The following F10 variants were observed in gnomAD, a reference collection of about 807,000 sequenced individuals.
F10 encodes Stuart-Prower factor.
Under a neutral mutation model 37.1 loss-of-function variants are expected in F10, and 29 were observed. The ratio of observed to expected loss-of-function variants is 0.78; its 90% CI spans 0.58 to 1.07. F10 has a LOEUF of 1.07. Among genes scored for constraint, F10 ranks in the 50% least tolerant of loss-of-function variants. The pLI is 0.00. For missense variants in F10, 539 were observed against 667.9 expected, an observed-to-expected ratio of 0.81 and a Z score of 2.13; for synonymous variants, 262 against 268.6, an observed-to-expected ratio of 0.98 and a Z score of 0.24.
chr13:113,148,345 A>AAATATAT (rs1300922846), intron 7 of F10, among the ~76,000 whole-genome samples: 35 of 95,412 alleles, frequency 3.7e-4, no homozygotes, highest in African/African-American at 1.3e-3. Context: ...AAAAAAAAAA[A>AAATATAT]ATATATATAT....
rs2036552634 is a variant in F10, at chr13:113,143,609, G to A, written c.503-242G>A. On this transcript the variant is annotated intron_variant, in intron 5 of 7. Transcript: ENST00000375559. This position sits in a 1 kb window ranked among gnomAD's most constrained non-coding sequence, Gnocchi z 6.8. ...CACTCCCCTCGCTGCCTGGGTTGCT[G>A]CCTGGCGTCCATTGTTCACAGGCGG... Among the ~76,000 whole-genome samples the A allele has an allele frequency of 6.6e-6, 1 of 152,158 alleles. No homozygotes were observed. Among genetic ancestry groups the A allele is most frequent in the Non-Finnish European group, 1.5e-5 (1 of 68,028 alleles).
chr13:113,133,630 C>A (rs2036453538), intron 2 of F10, among the ~76,000 whole-genome samples: 1 of 152,166 alleles, frequency 6.6e-6, no homozygotes, highest in Admixed American at 6.5e-5. Context: ...CAATTCTATA[C>A]AACTCTTCCA....
rs1236736172 is a variant in F10, at chr13:113,122,931, T to TGC, written c.70+7_70+8dup. 2 of 1,608,796 alleles carry TGC rather than the reference T, an allele frequency of 1.2e-6. No individual in the cohort carries two copies. The highest frequency in any genetic ancestry group is 2.2e-5 in the East Asian group (1 of 44,890). Reference sequence around the variant, plus strand: ...CCTGCTGCTCGGGGAAAGTCGTAAGTGCCCCTCGCCCTTCAGACCCAAAAG... The same window carrying TGC: ...CCTGCTGCTCGGGGAAAGTCGTAAGTGCGCCCCTCGCCCTTCAGACCCAAAAG... On this transcript the variant is annotated splice_region_variant and intron_variant, in intron 1 of 7. Transcript: ENST00000375559.
chr13:113,140,073 CTTT>C (rs11398393), intron 4 of F10, among the ~76,000 whole-genome samples: 10 of 125,404 alleles, frequency 8.0e-5, no homozygotes, highest in Admixed American at 8.8e-5. Context: ...AATTGATCAT[CTTT>C]TTTTTTTTTT....
intron 1 of F10, among the ~76,000 whole-genome samples, chr13:113,125,522 A>G (rs147727409): frequency 1.3e-5 from 2 of 152,370 alleles, no homozygotes; most frequent in East Asian, 1.9e-4. Flanking sequence ...TGGATGCTCC[A>G]TATCAGAGTT....
Position 113,141,140 on chromosome 13 carries a change from G to C in F10, c.502+90G>C. The C allele has an allele frequency of 6.4e-7, 1 of 1,571,804 alleles. No individual in the cohort carries two copies. Among genetic ancestry groups the C allele is most frequent in the Non-Finnish European group, 8.6e-7 (1 of 1,160,664 alleles). ...TGCCAGGGGGTGGGGACACAGGCAT[G>C]TTCTGGGCGGGCCTGGCAGGTAACA... On this transcript the variant is annotated intron_variant, in intron 5 of 7. Transcript: ENST00000375559. The surrounding 1 kb of genome is among the most constrained non-coding windows in gnomAD (Gnocchi z 5.4).
intron 1 of F10, among the ~76,000 whole-genome samples, chr13:113,125,221 G>A (rs747544916): frequency 1.4e-4 from 22 of 152,192 alleles, no homozygotes; most frequent in Non-Finnish European, 3.1e-4. Flanking sequence ...ATCAGAATAC[G>A]CAGAGCACCT....
At chr13:113,126,298 G>A (rs1011030040) in intron 1 of F10, among the ~76,000 whole-genome samples, 3 of 152,290 alleles carry the variant, frequency 2.0e-5, no homozygotes, top group East Asian at 1.9e-4. Context: ...CTTATAGGCC[G>A]TGTCCTACCC....
Position 113,139,524 on chromosome 13 carries a change from G to T in F10, c.370+54G>T. On this transcript the variant is annotated intron_variant, in intron 4 of 7. Transcript: ENST00000375559. The surrounding 1 kb of genome is among the most constrained non-coding windows in gnomAD (Gnocchi z 5.2). ...GATCAGATGCCCCTGAAGAGTGGCA[G>T]GTGGGCGGGGGAAGAAGTGAAAACG... 3 of 1,368,392 alleles carry T rather than the reference G, an allele frequency of 2.2e-6. No homozygotes were observed. Among genetic ancestry groups the T allele is most frequent in the Non-Finnish European group, 3.1e-6 (3 of 958,416 alleles). The allele number at this position is 1,368,392 out of a possible 1,614,324, so 84.8% of individuals were successfully genotyped here.
Position 113,146,683 on chromosome 13 carries a change from A to C in F10, c.748-696A>C, listed in dbSNP as rs1853807123. Among the ~76,000 whole-genome samples, 1 of 152,238 alleles carries C rather than the reference A, an allele frequency of 6.6e-6. No homozygotes were observed. Among genetic ancestry groups the C allele is most frequent in the Non-Finnish European group, 1.5e-5 (1 of 68,038 alleles). ...CCATGAATGTTTTAAGAAATGTTTT[A>C]AGACTCGGTATTGTCAGTAGTTTCA... On this transcript the variant is annotated intron_variant, in intron 6 of 7. Coordinates refer to ENST00000375559, the MANE Select transcript of F10 (RefSeq NM_000504.4). The surrounding 1 kb of genome is among the most constrained non-coding windows in gnomAD (Gnocchi z 4.5).
chr13:113,123,016 G>T, intron 1 of F10, 91 bp downstream of exon 1: 1 of 1,430,584 alleles, frequency 7.0e-7, no homozygotes, highest in South Asian at 1.2e-5. Flanking sequence ...CTGCAGCCTG[G>T]ACGGTGGGTG....
chr13:113,129,372 T>C (rs2036403046), intron 1 of F10, 80 bp from the exon 2 acceptor site: 6 of 1,567,182 alleles, frequency 3.8e-6, no homozygotes, highest in Non-Finnish European at 5.3e-6. Context: ...GCAAGGGACA[T>C]GGCAGTCAGG....
At chr13:113,140,160 G>A (rs979208299) in intron 4 of F10, among the ~76,000 whole-genome samples, 3 of 144,776 alleles carry the variant, frequency 2.1e-5, no homozygotes, top group South Asian at 2.2e-4. Context: ...CGCAAGCTCC[G>A]CCTGCCAGGT....
intron 1 of F10, among the ~76,000 whole-genome samples, chr13:113,123,889 G>A (rs1029462204): frequency 5.4e-5 from 8 of 149,426 alleles, no homozygotes; most frequent in South Asian, 2.2e-4. Context: ...CGGGACTCCC[G>A]TCTTCATGGG....
rs749713392 is a variant in F10, at chr13:113,129,559, G to A, written c.178G>A (p.Glu60Lys). The A allele has an allele frequency of 1.2e-6, 2 of 1,614,230 alleles. No individual in the cohort carries two copies. Among genetic ancestry groups the A allele is most frequent in the South Asian group, 2.2e-5 (2 of 91,074 alleles). Reference protein sequence around the residue: ...KGHLERECMEETCSYEEAREV... With the variant: ...KGHLERECMEKTCSYEEAREV... ...ACACCTCGAAAGAGAGTGCATGGAA[G>A]AGACCTGCTCATACGAAGAGGCCCG... Residue 60 changes from glutamate to lysine, a missense_variant, in exon 2 of 8, where the codon GAG (glutamate) becomes AAG (lysine). Glu to Lys is a moderately conservative substitution (Grantham distance 56). Around this residue, in one of 2 missense-constraint regions of F10, gnomAD observed 130 missense variants for 120.0 expected, o/e 1.08. Coordinates refer to ENST00000375559, the MANE Select transcript of F10 (RefSeq NM_000504.4).
At chr13:113,128,491 T>C (rs2036391535) in intron 1 of F10, 2 of 152,210 alleles carry the variant, frequency 1.3e-5, no homozygotes, top group Non-Finnish European at 2.9e-5. Context: ...GTTCTTGTTA[T>C]GTAGATGAAG....
Position 113,146,849 on chromosome 13 carries a change from C to G in F10, c.748-530C>G, listed in dbSNP as rs903436530. ...TGGCACCCCTGTCAGTGCTTGCTCC[C>G]CTGGGACCGTGTTCCAAGTCCTGGC... On this transcript the variant is annotated intron_variant, in intron 6 of 7. Coordinates refer to ENST00000375559, the MANE Select transcript of F10 (RefSeq NM_000504.4). The surrounding 1 kb of genome is among the most constrained non-coding windows in gnomAD (Gnocchi z 4.5). Among the ~76,000 whole-genome samples the G allele has an allele frequency of 3.9e-5, 6 of 152,132 alleles. No individual in the cohort carries two copies. The highest frequency in any genetic ancestry group is 1.4e-4 in the African/African-American group (6 of 41,426).
In F10 at chr13:113,141,661, G is replaced by A. The variant is rs752931768; in HGVS notation, c.502+611G>A. 1.4e-4 allele frequency among the ~76,000 whole-genome samples: 21 copies of A among 152,208 alleles called. No homozygotes were observed. The highest frequency in any genetic ancestry group is 2.9e-4 in the African/African-American group (12 of 41,460). Reference sequence around the variant, plus strand: ...GGACGAGCCTCCCTGTCCTGACCCCGTGGGCATTGCCTACGCTGGGCTTGC... The same window carrying A: ...GGACGAGCCTCCCTGTCCTGACCCCATGGGCATTGCCTACGCTGGGCTTGC... On this transcript the variant is annotated intron_variant, in intron 5 of 7. Coordinates refer to ENST00000375559, the MANE Select transcript of F10 (RefSeq NM_000504.4). The surrounding 1 kb of genome is among the most constrained non-coding windows in gnomAD (Gnocchi z 5.4).
chr13:113,135,378 G>C (rs1314284730), intron 2 of F10, among the ~76,000 whole-genome samples: 3 of 152,206 alleles, frequency 2.0e-5, no homozygotes, highest in Non-Finnish European at 4.4e-5. Flanking sequence ...ATTGCTCACA[G>C]TTATGGAGGC....
Sources: allele counts gnomAD v4.1 joint callset (sites outside exome capture counted in the v4.1 genomes callset), GRCh38; gene constraint gnomAD v4.1.1; regional missense constraint gnomAD v4.1.1; non-coding constraint Gnocchi (gnomAD v3.1); transcripts MANE v1.5; gene names NCBI Gene and HGNC (gene_info 2026-07-23, HGNC 2026-07-21).